PCDH9: variants seen among roughly 807,000 people sequenced by gnomAD.
PCDH9 encodes protocadherin-9.
A neutral mutation model predicts 70.6 loss-of-function variants in PCDH9; 24 were observed. That is an observed-to-expected ratio of 0.34 (90% CI 0.25 to 0.48). The LOEUF is 0.48. PCDH9 is among the 20% of genes least tolerant of loss of function. The pLI is 0.99. For missense variants in PCDH9, 1,281 were observed against 1,503.6 expected (o/e 0.85, Z 2.45); for synonymous variants, 562 against 558.5 (o/e 1.01, Z -0.09).
At chr13:66,426,512 C>T (rs528129657) in intron 4 of PCDH9, among the ~76,000 whole-genome samples, 1 of 146,530 alleles carries the variant, frequency 6.8e-6, no homozygotes, top group African/African-American at 2.4e-5. Context: ...GATTCTATTT[C>T]CAAGCACAGG....
intron 2 of PCDH9, among the ~76,000 whole-genome samples, chr13:67,054,879 C>T (rs949719804): frequency 1.3e-5 from 2 of 152,002 alleles, no homozygotes; most frequent in Non-Finnish European, 2.9e-5. Flanking sequence ...AATGAATGGT[C>T]CAAAAAATAC....
At chr13:66,551,661 A>T (rs1961495147) in intron 4 of PCDH9, among the ~76,000 whole-genome samples, 1 of 152,142 alleles carries the variant, frequency 6.6e-6, no homozygotes. Context: ...ACTTTGGTTA[A>T]TTTGTTAACC....
intron 4 of PCDH9, among the ~76,000 whole-genome samples, chr13:66,324,005 C>T (rs759240165): frequency 4.6e-5 from 7 of 151,988 alleles, no homozygotes; most frequent in Non-Finnish European, 7.4e-5. Flanking sequence ...ATGTACATTG[C>T]CTATATATGC....
At chr13:66,346,073 G>T (rs1956208650) in intron 4 of PCDH9, among the ~76,000 whole-genome samples, 2 of 152,144 alleles carry the variant, frequency 1.3e-5, no homozygotes, top group African/African-American at 2.4e-5. Context: ...ACTAGGAATT[G>T]TCTGCAAACT....
chr13:66,452,102 T>C (rs977197691), intron 4 of PCDH9, among the ~76,000 whole-genome samples: 1 of 152,164 alleles, frequency 6.6e-6, no homozygotes. Context: ...ATAACAACTT[T>C]ATCAACTAAT....
chr13:66,596,415 C>G (rs985109296), intron 4 of PCDH9, among the ~76,000 whole-genome samples: 20 of 151,552 alleles, frequency 1.3e-4, no homozygotes, highest in Non-Finnish European at 3.0e-5. Flanking sequence ...TCCATGTAAG[C>G]TTGTGTGCAT....
At chr13:66,622,884 G>A (rs2077445490) in intron 4 of PCDH9, among the ~76,000 whole-genome samples, 1 of 152,146 alleles carries the variant, frequency 6.6e-6, no homozygotes, top group African/African-American at 2.4e-5. Flanking sequence ...CTGCCTTTAT[G>A]AGCTGTAACA....
intron 2 of PCDH9, among the ~76,000 whole-genome samples, chr13:67,110,121 AT>A (rs1236155914): frequency 1.3e-5 from 2 of 152,088 alleles, no homozygotes; most frequent in Admixed American, 1.3e-4. Flanking sequence ...GTAAGCTGAC[AT>A]TTTTAAAAAG....
intron 3 of PCDH9, among the ~76,000 whole-genome samples, chr13:66,829,094 T>G (rs1420880422): frequency 3.3e-5 from 5 of 152,268 alleles, no homozygotes; most frequent in Admixed American, 3.3e-4. Flanking sequence ...CTCAGCTCAC[T>G]GCAACCTCCG....
intron 3 of PCDH9, among the ~76,000 whole-genome samples, chr13:66,837,272 G>T (rs1166358727): frequency 6.6e-6 from 1 of 152,070 alleles, no homozygotes; most frequent in East Asian, 1.9e-4. Flanking sequence ...TAAATACAGA[G>T]CATTTAAAAT....
At chr13:66,335,811 T>C (rs1956027898) in intron 4 of PCDH9, among the ~76,000 whole-genome samples, 1 of 152,140 alleles carries the variant, frequency 6.6e-6, no homozygotes, top group Non-Finnish European at 1.5e-5. Context: ...GACTATTTTC[T>C]TCATAAACCA....
chr13:66,819,818 C>A (rs1393407527), intron 3 of PCDH9, among the ~76,000 whole-genome samples: 1 of 152,084 alleles, frequency 6.6e-6, no homozygotes, highest in Non-Finnish European at 1.5e-5. Context: ...ATGACTTGAG[C>A]CCAGGAAGCC....
chr13:67,081,169 A>G (rs1371595852), intron 2 of PCDH9, among the ~76,000 whole-genome samples: 2 of 152,248 alleles, frequency 1.3e-5, no homozygotes, highest in Non-Finnish European at 2.9e-5. Context: ...TGACTCAGAG[A>G]TAAGACAAGG....
At chr13:66,796,147 G>A (rs1391452402) in intron 3 of PCDH9, among the ~76,000 whole-genome samples, 1 of 152,110 alleles carries the variant, frequency 6.6e-6, no homozygotes, top group Non-Finnish European at 1.5e-5. Flanking sequence ...TTGGCTTAGG[G>A]GGCACTTGTG....
intron 2 of PCDH9, among the ~76,000 whole-genome samples, chr13:67,130,910 G>A (rs1295712651): frequency 6.6e-6 from 1 of 152,116 alleles, no homozygotes; most frequent in African/African-American, 2.4e-5. Context: ...CTTTCTGTGT[G>A]TGTGTCTTTC....
chr13:66,962,564 C>T (rs977775111), intron 2 of PCDH9, among the ~76,000 whole-genome samples: 3 of 152,184 alleles, frequency 2.0e-5, no homozygotes, highest in African/African-American at 7.2e-5. Flanking sequence ...CCTACAAAAC[C>T]TAGTGTTACT....
At position 66,304,571 on chromosome 13, in the gene PCDH9, A is replaced by C; in HGVS notation, c.*84T>G. On this transcript the variant is annotated 3_prime_UTR_variant, in exon 5 of 5. Transcript: ENST00000377865. ...TCCCTGCTAGAAGGGGCATAGTTGT[A>C]GAGATCTATTGAATACATAAAGCTC... 1.9e-6 allele frequency: 2 copies of C among 1,050,420 alleles called. No individual in the cohort carries two copies. Among genetic ancestry groups the C allele is most frequent in the African/African-American group, 1.6e-5 (1 of 63,242 alleles). The allele number at this position is 1,050,420 out of a possible 1,614,324, so 65.1% of individuals were successfully genotyped here. A position where few individuals can be genotyped will look rare whatever the true frequency, so the allele number is the denominator to read the frequency against.
chr13:66,690,900 GAACTGCC>G (rs929201729), intron 3 of PCDH9, among the ~76,000 whole-genome samples: 2 of 152,184 alleles, frequency 1.3e-5, no homozygotes, highest in Non-Finnish European at 2.9e-5. Context: ...CACATCTCAT[GAACTGCC>G]AGCAGTGTCA....
At chr13:66,560,844 C>A (rs539002027) in intron 4 of PCDH9, among the ~76,000 whole-genome samples, 9 of 152,210 alleles carry the variant, frequency 5.9e-5, no homozygotes, top group Non-Finnish European at 1.3e-4. Flanking sequence ...TTCCAGAAGT[C>A]CGGAATTCTA....
Sources: gnomAD v4.1 joint callset for allele counts (sites outside exome capture counted in the v4.1 genomes callset) on GRCh38, gnomAD v4.1.1 for gene constraint, MANE v1.5 for transcripts, NCBI Gene and HGNC (gene_info 2026-07-23, HGNC 2026-07-21) for gene names.